The following DPP6 variants were observed in gnomAD, a reference collection of about 807,000 sequenced individuals.
DPP6 encodes the protein dipeptidyl peptidase like 6.
DPP6 carries 69 observed loss-of-function variants against 122.6 expected under a neutral mutation model. The ratio of observed to expected loss-of-function variants is 0.56; its 90% CI spans 0.46 to 0.69. The LOEUF is 0.69. Among genes scored for constraint, DPP6 ranks in the 30% least tolerant of loss-of-function variants. The pLI, the probability that DPP6 is intolerant of heterozygous loss-of-function variation, is 0.00. For missense variants in DPP6, 928 were observed against 1,116.9 expected (o/e 0.83, Z 2.41); for synonymous variants, 418 against 433.1 (o/e 0.97, Z 0.43).
Position 153,940,911 on chromosome 7 carries a change from TC to T in DPP6, c.51+53179del, listed in dbSNP as rs567537650. 1.7e-3 allele frequency among the ~76,000 whole-genome samples: 257 copies of T among 152,276 alleles called. 1 individual carries two copies. The highest frequency in any genetic ancestry group is 2.5e-3 in the Non-Finnish European group (170 of 68,024). ...AACCAGATTGCAGCTCCGAAATCTCTCCTGTAGCGAAACCTGGAACTTCCAT... is the reference window on the plus strand; with the variant it reads ...AACCAGATTGCAGCTCCGAAATCTCTCTGTAGCGAAACCTGGAACTTCCAT... On this transcript the variant is annotated intron_variant, in intron 1 of 25. Transcript: ENST00000404039.
intron 1 of DPP6, among the ~76,000 whole-genome samples, chr7:154,424,365 C>T (rs757566048): frequency 3.9e-5 from 6 of 152,146 alleles, no homozygotes; most frequent in Non-Finnish European, 8.8e-5. Flanking sequence ...TCAAGTAGCT[C>T]AAATCAAAGT....
At chr7:154,838,827 C>T (rs1801292576) in intron 16 of DPP6, 2 of 152,166 alleles carry the variant, frequency 1.3e-5, no homozygotes, top group Non-Finnish European at 2.9e-5. Context: ...GTGGGTCCCT[C>T]GAGGAAAAGA....
chr7:154,851,655 C>T (rs1802392609), intron 16 of DPP6, among the ~76,000 whole-genome samples: 1 of 152,082 alleles, frequency 6.6e-6, no homozygotes, highest in African/African-American at 2.4e-5. Flanking sequence ...GTAGGGGGTG[C>T]CATATTTAGC....
intron 8 of DPP6, among the ~76,000 whole-genome samples, chr7:154,757,669 C>T (rs1257636036): frequency 6.6e-6 from 1 of 152,210 alleles, no homozygotes; most frequent in African/African-American, 2.4e-5. Context: ...GTGTCCTGGC[C>T]TCTTATCTAT....
intron 7 of DPP6, among the ~76,000 whole-genome samples, chr7:154,698,140 T>C (rs1840321100): frequency 6.6e-6 from 1 of 152,232 alleles, no homozygotes; most frequent in African/African-American, 2.4e-5. Context: ...TTTTTTTAGT[T>C]ACAATTATTA....
At chr7:153,931,108 T>G (rs1801150590) in intron 1 of DPP6, among the ~76,000 whole-genome samples, 1 of 152,224 alleles carries the variant, frequency 6.6e-6, no homozygotes, top group Admixed American at 6.5e-5. Context: ...TTTCTTGGCC[T>G]TTCAGAAGCA....
chr7:154,024,231 C>G (rs1369772077), intron 1 of DPP6, among the ~76,000 whole-genome samples: 3 of 152,194 alleles, frequency 2.0e-5, no homozygotes, highest in Non-Finnish European at 4.4e-5. Context: ...TAGTATCAAT[C>G]CACAAATTAG....
At chr7:154,432,544 C>T (rs370055287) in intron 1 of DPP6, among the ~76,000 whole-genome samples, 8 of 152,138 alleles carry the variant, frequency 5.3e-5, no homozygotes, top group Non-Finnish European at 1.0e-4. Context: ...ACACACACCC[C>T]CTTCTCCATC....
chr7:153,814,204 A>G, the DPP6 span, among the ~76,000 whole-genome samples: 1 of 150,810 alleles, frequency 6.6e-6, no homozygotes, highest in Non-Finnish European at 1.5e-5. Flanking sequence ...TTGATAGACC[A>G]CTAGCAAGAC....
At chr7:154,816,788 A>T (rs1168276770) in intron 16 of DPP6, among the ~76,000 whole-genome samples, 1 of 152,172 alleles carries the variant, frequency 6.6e-6, no homozygotes, top group African/African-American at 2.4e-5. Context: ...CCAGCACCTC[A>T]GCAGGCTTAG....
At chr7:153,809,164 A>T in the DPP6 span, among the ~76,000 whole-genome samples, 1 of 152,068 alleles carries the variant, frequency 6.6e-6, no homozygotes. Context: ...GAGCACCTTA[A>T]TATACACCTG....
chr7:154,087,565 G>C (rs1188608802), intron 1 of DPP6, among the ~76,000 whole-genome samples: 1 of 152,210 alleles, frequency 6.6e-6, no homozygotes, highest in Non-Finnish European at 1.5e-5. Flanking sequence ...CACTCAGCTA[G>C]AGAGCCTTTT....
At chr7:154,574,289 GTA>G (rs1376272456) in intron 5 of DPP6, among the ~76,000 whole-genome samples, 4 of 134,952 alleles carry the variant, frequency 3.0e-5, no homozygotes, top group South Asian at 2.6e-4. Context: ...TGTGTGTGGC[GTA>G]TGTGTGTGTA....
Position 154,408,400 on chromosome 7 carries a change from T to C in DPP6, c.244-37814T>C, listed in dbSNP as rs1000609937. On this transcript the variant is annotated intron_variant, in intron 1 of 25. Coordinates refer to ENST00000377770, the MANE Select transcript of DPP6 (RefSeq NM_130797.4). ...GTGGGTTCATTCTTGATTTCTTTTA[T>C]CCAAATCCTACTATCAGTTTTATGT... is the stretch of plus-strand genomic sequence containing the variant. Among the ~76,000 whole-genome samples the C allele has an allele frequency of 1.1e-4, 17 of 152,340 alleles. No individual in the cohort carries two copies. In the East Asian group the frequency reaches 2.1e-3, roughly 19 times the overall value.
At chr7:154,882,155 C>T (rs1805441572) in intron 21 of DPP6, among the ~76,000 whole-genome samples, 1 of 152,198 alleles carries the variant, frequency 6.6e-6, no homozygotes, top group South Asian at 2.1e-4. Context: ...TCATAGTTCA[C>T]TTCTGGACAC....
At chr7:154,295,944 CTTTTTTT>C (rs146439433) in intron 1 of DPP6, among the ~76,000 whole-genome samples, 1 of 112,788 alleles carries the variant, frequency 8.9e-6, no homozygotes, top group Non-Finnish European at 1.8e-5. Flanking sequence ...ACAGTTGCTT[CTTTTTTT>C]TTTTTTTTTT....
At chr7:154,398,745 C>G (rs1815315777) in intron 1 of DPP6, among the ~76,000 whole-genome samples, 1 of 152,128 alleles carries the variant, frequency 6.6e-6, no homozygotes, top group Non-Finnish European at 1.5e-5. Context: ...TCTGGTGTCT[C>G]AGAGGCGTGA....
chr7:153,903,125 C>T (rs1007559688), intron 1 of DPP6, among the ~76,000 whole-genome samples: 14 of 152,228 alleles, frequency 9.2e-5, no homozygotes, highest in East Asian at 7.7e-4. Flanking sequence ...CCAAGGACAC[C>T]GGTGCTTGAT....
intron 1 of DPP6, among the ~76,000 whole-genome samples, chr7:154,083,207 T>G (rs930771018): frequency 3.9e-5 from 6 of 152,112 alleles, no homozygotes; most frequent in South Asian, 2.1e-4. Context: ...TTGTTGTGCT[T>G]CTTTGCAGTG....
Sources: allele counts gnomAD v4.1 joint callset (sites outside exome capture counted in the v4.1 genomes callset), GRCh38; gene constraint gnomAD v4.1.1; transcripts MANE v1.5; gene names NCBI Gene and HGNC (gene_info 2026-07-23, HGNC 2026-07-21).